PARD3: variants seen among roughly 807,000 people sequenced by gnomAD.
PARD3 encodes par-3 family cell polarity regulator.
In PARD3, 75 loss-of-function variants were observed where a neutral mutation model predicts 155.4. The ratio of observed to expected loss-of-function variants is 0.48; its 90% CI spans 0.40 to 0.58. The LOEUF is 0.58. Ranked by LOEUF, PARD3 falls within the 20% of genes least tolerant of loss-of-function variation. PARD3 has a pLI of 0.00. For missense variants in PARD3, 1,642 were observed against 1,721.7 expected (o/e 0.95, Z 0.82); for synonymous variants, 576 against 610.5 (o/e 0.94, Z 0.83).
In PARD3 at chr10:34,420,816, A is replaced by G. The variant is rs551271586; in HGVS notation, c.715-18899T>C. ...TCGGTTTCTTTTCTCAAATGGTGAC[A>G]TTCAAAAATATATGCATGTTAACAT... On this transcript the variant is annotated intron_variant, in intron 5 of 24. Transcript: ENST00000374788. Among the ~76,000 whole-genome samples, 3 of 152,356 alleles carry G rather than the reference A, an allele frequency of 2.0e-5. No individual in the cohort carries two copies. The South Asian group carries it at 6.2e-4, about 32-fold the overall frequency.
At chr10:34,175,199 A>C (rs539686266) in intron 22 of PARD3, among the ~76,000 whole-genome samples, 43 of 152,322 alleles carry the variant, frequency 2.8e-4, no homozygotes, top group African/African-American at 1.0e-3. Context: ...CACAAAACCC[A>C]CATTAACTTC....
chr10:34,332,427 T>A (rs954552891), intron 18 of PARD3, among the ~76,000 whole-genome samples: 1 of 151,918 alleles, frequency 6.6e-6, no homozygotes, highest in African/African-American at 2.4e-5. Context: ...GTGAAAAAAA[T>A]AGAGGGTAGG....
intron 4 of PARD3, among the ~76,000 whole-genome samples, chr10:34,455,984 T>G (rs2077317712): frequency 1.3e-5 from 2 of 152,222 alleles, no homozygotes; most frequent in East Asian, 1.9e-4. Flanking sequence ...TACTTTTCCT[T>G]TTTGCTAACA....
intron 5 of PARD3, among the ~76,000 whole-genome samples, chr10:34,414,796 C>T (rs1845499572): frequency 6.6e-6 from 1 of 151,756 alleles, no homozygotes; most frequent in Non-Finnish European, 1.5e-5. Context: ...CAAAATATCA[C>T]ATGTATAAGT....
At chr10:34,652,233 C>T (rs2093034469) in intron 2 of PARD3, among the ~76,000 whole-genome samples, 1 of 152,178 alleles carries the variant, frequency 6.6e-6, no homozygotes, top group South Asian at 2.1e-4. Flanking sequence ...AAACACTAGC[C>T]TCTCTTCGTG....
chr10:34,410,311 G>A (rs111340254), intron 5 of PARD3, among the ~76,000 whole-genome samples: 2,337 of 151,078 alleles, frequency 0.015, 32 homozygotes, highest in Middle Eastern at 0.045. Flanking sequence ...TTTTTTTTTA[G>A]ATCATATAGG....
chr10:34,798,314 A>G (rs768119031), intron 1 of PARD3, among the ~76,000 whole-genome samples: 80 of 152,094 alleles, frequency 5.3e-4, no homozygotes, highest in Non-Finnish European at 9.0e-4. Flanking sequence ...TGGGGAACAC[A>G]GCAAGTGCAA....
At chr10:34,352,577 C>A (rs1186138615) in intron 14 of PARD3, among the ~76,000 whole-genome samples, 1 of 152,246 alleles carries the variant, frequency 6.6e-6, no homozygotes, top group Non-Finnish European at 1.5e-5. Context: ...CAGCTCCTGA[C>A]CGCGAGTGAT....
chr10:34,224,203 T>A (rs754709788), intron 22 of PARD3, among the ~76,000 whole-genome samples: 1 of 152,216 alleles, frequency 6.6e-6, no homozygotes, highest in Non-Finnish European at 1.5e-5. Context: ...AAGCTTTTCA[T>A]AAGACACAGT....
chr10:34,764,617 ACT>A (rs1203396124), intron 1 of PARD3, among the ~76,000 whole-genome samples: 1 of 151,216 alleles, frequency 6.6e-6, no homozygotes, highest in Non-Finnish European at 1.5e-5. Context: ...TCATTATTCT[ACT>A]CTCTGTTTAC....
chr10:34,309,896 CAAAAAAAAA>C (rs552115285), intron 20 of PARD3, among the ~76,000 whole-genome samples: 1 of 95,582 alleles, frequency 1.0e-5, no homozygotes, highest in Admixed American at 1.1e-4. Context: ...ATCAACCATC[CAAAAAAAAA>C]AAAAAAAAAC....
At chr10:34,286,057 T>C (rs1956373335) in intron 20 of PARD3, among the ~76,000 whole-genome samples, 2 of 152,158 alleles carry the variant, frequency 1.3e-5, no homozygotes, top group Admixed American at 1.3e-4. Flanking sequence ...TTAAAACTAA[T>C]AAATACAAAA....
At chr10:34,132,813 C>T (rs1175461726) in intron 22 of PARD3, among the ~76,000 whole-genome samples, 2 of 152,092 alleles carry the variant, frequency 1.3e-5, no homozygotes, top group Admixed American at 6.6e-5. Flanking sequence ...CCACCACGCC[C>T]CCCTATCCTG....
chr10:34,269,980 G>T, intron 21 of PARD3, 81 bp from the exon 22 acceptor site: 2 of 1,315,162 alleles, frequency 1.5e-6, no homozygotes, highest in Non-Finnish European at 2.1e-6. Context: ...ATCAAAATAT[G>T]TTGTAAAATA....
chr10:34,453,021 A>G (rs2077141861), intron 4 of PARD3, among the ~76,000 whole-genome samples: 1 of 152,176 alleles, frequency 6.6e-6, no homozygotes, highest in African/African-American at 2.4e-5. Context: ...GGCTCTGGCC[A>G]TATCCTCTCT....
chr10:34,258,800 C>A (rs981511721), intron 22 of PARD3, among the ~76,000 whole-genome samples: 1 of 152,224 alleles, frequency 6.6e-6, no homozygotes, highest in African/African-American at 2.4e-5. Flanking sequence ...CTCACATCTA[C>A]AATCTCAGTG....
intron 2 of PARD3, among the ~76,000 whole-genome samples, chr10:34,632,512 G>GAACA: frequency 6.6e-6 from 1 of 152,318 alleles, no homozygotes; most frequent in Middle Eastern, 3.4e-3. Flanking sequence ...GACCAGAGAA[G>GAACA]AACAGTATCT....
chr10:34,455,723 A>G (rs1419880871), intron 4 of PARD3, among the ~76,000 whole-genome samples: 5 of 152,178 alleles, frequency 3.3e-5, no homozygotes, highest in Non-Finnish European at 7.3e-5. Flanking sequence ...GCCTATTAAG[A>G]CTTTTTTTTA....
chr10:34,316,961 C>T (rs575241803), intron 20 of PARD3, 146 bp downstream of exon 20: 1 of 558,760 alleles, frequency 1.8e-6, no homozygotes, highest in Non-Finnish European at 2.9e-6. Context: ...ATTTGGAATC[C>T]TGGGCTCCAG....
Sources: allele counts gnomAD v4.1 joint callset (sites outside exome capture counted in the v4.1 genomes callset), GRCh38; gene constraint gnomAD v4.1.1; transcripts MANE v1.5; gene names NCBI Gene and HGNC (gene_info 2026-07-23, HGNC 2026-07-21).